Variants in DMD observed in about 807,000 individuals in gnomAD.
DMD encodes the protein mutant dystrophin.
DMD carries 63 observed loss-of-function variants against 330.1 expected under a neutral mutation model. That is an observed-to-expected ratio of 0.19 (90% CI 0.16 to 0.24). The LOEUF (loss-of-function observed/expected upper bound fraction) is 0.24, where lower values mean the gene tolerates loss of function less well. Among genes scored for constraint, DMD ranks in the 10% least tolerant of loss-of-function variants. The pLI is 1.00. For missense variants in DMD, 3,344 were observed against 2,684.1 expected (o/e 1.25, Z -5.43); for synonymous variants, 1,223 against 959.8 (o/e 1.27, Z -5.07).
chrX:31,864,509 T>TA (rs1556953396), intron 48 of DMD, among the ~76,000 whole-genome samples: 2 of 98,715 alleles, frequency 2.0e-5, no homozygotes, highest in Non-Finnish European at 4.1e-5. Context: ...TTTTTTTTTT[T>TA]AAAGAAGTCT....
chrX:32,369,675 C>T (rs1212023024), intron 34 of DMD, among the ~76,000 whole-genome samples: 1 of 111,103 alleles, frequency 9.0e-6, no homozygotes, highest in East Asian at 2.8e-4. Flanking sequence ...TTTTCCAGTA[C>T]CTTCCACAGA....
At chrX:31,665,151 A>G (rs779056499) in intron 53 of DMD, among the ~76,000 whole-genome samples, 1 of 111,950 alleles carries the variant, frequency 8.9e-6, no homozygotes, top group African/African-American at 3.2e-5. Flanking sequence ...CAATTCAGTT[A>G]AAGAAGTTAT....
At chrX:32,720,226 T>C (rs1203004400) in intron 7 of DMD, among the ~76,000 whole-genome samples, 1 of 110,651 alleles carries the variant, frequency 9.0e-6, no homozygotes, top group Non-Finnish European at 1.9e-5. Flanking sequence ...TTTTTCAGAA[T>C]GGGAGGGGAA....
chrX:32,506,370 AG>A (rs776424540), intron 18 of DMD, among the ~76,000 whole-genome samples: 10 of 107,046 alleles, frequency 9.3e-5, no homozygotes, highest in Admixed American at 7.1e-4. Flanking sequence ...TCACAAAAAA[AG>A]GTTTCATGAA....
chrX:31,621,420 T>C (rs1231825990), intron 55 of DMD, among the ~76,000 whole-genome samples: 1 of 111,548 alleles, frequency 9.0e-6, no homozygotes, highest in Non-Finnish European at 1.9e-5. Context: ...ACTACCAGAA[T>C]GATCTTTTAA....
chrX:31,163,707 C>A (rs189386483), intron 74 of DMD, among the ~76,000 whole-genome samples: 1 of 111,386 alleles, frequency 9.0e-6, no homozygotes, highest in Non-Finnish European at 1.9e-5. Context: ...TTCAAGGTCA[C>A]GCCTCCTCCC....
intron 43 of DMD, among the ~76,000 whole-genome samples, chrX:32,267,682 C>G (rs756534906): frequency 2.7e-5 from 3 of 111,994 alleles, no homozygotes; most frequent in African/African-American, 9.7e-5. Context: ...AATCTTCACA[C>G]AAAAATAAAG....
chrX:31,710,407 C>T (rs1405228961), intron 52 of DMD, among the ~76,000 whole-genome samples: 1 of 110,968 alleles, frequency 9.0e-6, no homozygotes, highest in South Asian at 3.8e-4. Context: ...TTTTTTGTAC[C>T]ATCTGAGATG....
At chrX:31,392,040 G>A (rs773686076) in intron 60 of DMD, among the ~76,000 whole-genome samples, 1 of 111,888 alleles carries the variant, frequency 8.9e-6, no homozygotes, top group African/African-American at 3.2e-5. Flanking sequence ...ACAAAAAAAA[G>A]TTTAAAAAGC....
intron 51 of DMD, among the ~76,000 whole-genome samples, chrX:31,733,794 G>C (rs2086676587): frequency 9.0e-6 from 1 of 111,248 alleles, no homozygotes; most frequent in African/African-American, 3.3e-5. Context: ...TCTCCAAATA[G>C]AGTGGCCAAA....
chrX:31,960,837 C>T (rs913976813), intron 45 of DMD, among the ~76,000 whole-genome samples: 4 of 112,143 alleles, frequency 3.6e-5, no homozygotes, highest in African/African-American at 1.3e-4. Flanking sequence ...CCCTTGAAAG[C>T]TTTTCAAGAG....
At position 32,762,023 on chromosome X, in the gene DMD, G is replaced by A. The variant is rs775027487; in HGVS notation, c.649+47470C>T. Among the ~76,000 whole-genome samples, 3 of 108,838 alleles carry A rather than the reference G, an allele frequency of 2.8e-5. No homozygotes were observed. In the East Asian group the frequency reaches 8.8e-4, roughly 32 times the overall value. The allele number at this position is 108,838 out of a possible 115,157, so 94.5% of individuals were successfully genotyped here. Reference sequence around the variant, plus strand: ...AAATTAGCCAGGCATAGTTGCACGCGCCTGTAATCCCAGCTACTCGGGAGG... The same window carrying A: ...AAATTAGCCAGGCATAGTTGCACGCACCTGTAATCCCAGCTACTCGGGAGG... On this transcript the variant is annotated intron_variant, in intron 7 of 78. Transcript: ENST00000357033.
chrX:32,837,042 C>A (rs1204955214), intron 4 of DMD, among the ~76,000 whole-genome samples: 2 of 111,695 alleles, frequency 1.8e-5, no homozygotes, highest in Non-Finnish European at 3.8e-5. Flanking sequence ...ACCACGTCTA[C>A]TCTCTGTCAT....
intron 49 of DMD, among the ~76,000 whole-genome samples, chrX:31,823,666 G>A (rs774076681): frequency 6.9e-4 from 76 of 109,766 alleles, no homozygotes; most frequent in African/African-American, 2.5e-3. Flanking sequence ...CTGCAGCCTC[G>A]ACTTCCTAGG....
intron 43 of DMD, among the ~76,000 whole-genome samples, chrX:32,217,371 T>G (rs2097116343): frequency 8.9e-6 from 1 of 111,883 alleles, no homozygotes; most frequent in Non-Finnish European, 1.9e-5. Flanking sequence ...TATTGGCATT[T>G]TCTTTCCTAA....
At chrX:32,843,467 T>G (rs2080352142) in intron 4 of DMD, among the ~76,000 whole-genome samples, 1 of 111,870 alleles carries the variant, frequency 8.9e-6, no homozygotes, top group African/African-American at 3.2e-5. Flanking sequence ...GTAAAATAAC[T>G]TTCATAGGTT....
rs59690085 is a variant in DMD, at chrX:31,418,031, T to TAA, written c.9084+26448_9084+26449dup. Among the ~76,000 whole-genome samples the TAA allele has an allele frequency of 3.9e-3, 355 of 90,350 alleles. 2 individuals carry two copies. The highest frequency in any genetic ancestry group is 0.014 in the African/African-American group (345 of 24,750). 78.5% of individuals were successfully genotyped at this position (90,350 alleles called of 115,157 possible). ...GTTTCTGCAGAGATCTGTAGAAAAT[T>TAA]AAAAAAAAAAAAAAAAGAATGCTGG... On this transcript the variant is annotated intron_variant, in intron 60 of 78. Coordinates refer to ENST00000357033, the MANE Select transcript of DMD (RefSeq NM_004006.3).
intron 13 of DMD, among the ~76,000 whole-genome samples, chrX:32,588,792 G>A (rs1267531033): frequency 8.9e-6 from 1 of 111,899 alleles, no homozygotes; most frequent in African/African-American, 3.2e-5. Flanking sequence ...TTTTGACATT[G>A]CATGCAAAGG....
chrX:31,600,369 C>T (rs183528092), intron 55 of DMD, among the ~76,000 whole-genome samples: 32 of 111,226 alleles, frequency 2.9e-4, no homozygotes, highest in African/African-American at 1.0e-3. Flanking sequence ...CATTTCTGAA[C>T]CAATTCTAGA....
Sources: allele counts gnomAD v4.1 joint callset (sites outside exome capture counted in the v4.1 genomes callset), GRCh38; gene constraint gnomAD v4.1.1; transcripts MANE v1.5; gene names NCBI Gene and HGNC (gene_info 2026-07-23, HGNC 2026-07-21).